Variants in SNX27 observed in about 807,000 individuals in gnomAD.
SNX27 encodes the protein sorting nexin-27.
SNX27 carries 22 observed loss-of-function variants against 71.6 expected under a neutral mutation model. That is an observed-to-expected ratio of 0.31 (90% CI 0.22 to 0.44). The LOEUF (loss-of-function observed/expected upper bound fraction) is 0.44. Among genes scored for constraint, SNX27 ranks in the 20% least tolerant of loss-of-function variants. SNX27 has a pLI of 1.00. For missense variants in SNX27, 531 were observed against 698.6 expected (o/e 0.76, Z 2.70); for synonymous variants, 269 against 277.2 (o/e 0.97, Z 0.29).
intron 2 of SNX27, among the ~76,000 whole-genome samples, chr1:151,654,267 A>G (rs1305714835): frequency 6.6e-6 from 1 of 152,200 alleles, no homozygotes; most frequent in Non-Finnish European, 1.5e-5. Flanking sequence ...TACTTGGGCT[A>G]GACTCATGGT....
rs1309993773 is a variant in SNX27, at chr1:151,694,476, A to G, written c.*59A>G. 8 of 1,481,524 alleles carry G rather than the reference A, an allele frequency of 5.4e-6. No homozygotes were observed. Among genetic ancestry groups the G allele is most frequent in the Admixed American group, 2.2e-5 (1 of 46,070 alleles). The allele number at this position is 1,481,524 out of a possible 1,614,324, so 91.8% of individuals were successfully genotyped here. The stretch of plus-strand genomic sequence containing the variant: ...CATCCTCTTACTCCTTTCATGTCCC[A>G]TTTCAGACAGAGTAACCATTAACAA... On this transcript the variant is annotated 3_prime_UTR_variant, in exon 12 of 12. Coordinates refer to ENST00000458013, the MANE Select transcript of SNX27 (RefSeq NM_001330723.2).
intron 6 of SNX27, among the ~76,000 whole-genome samples, chr1:151,667,865 C>T (rs966891196): frequency 1.4e-5 from 2 of 147,186 alleles, no homozygotes; most frequent in Non-Finnish European, 3.0e-5. Context: ...GTTTAGTGGA[C>T]ATGAGCTGTA....
chr1:151,642,386 A>G (rs1006273209), intron 2 of SNX27, among the ~76,000 whole-genome samples: 1 of 151,996 alleles, frequency 6.6e-6, no homozygotes, highest in African/African-American at 2.4e-5. Flanking sequence ...AAAAGAAAAA[A>G]AAAAAGGGAC....
intron 1 of SNX27, chr1:151,629,497 G>GTATATATATATACATATATACACGTA (rs368335035): frequency 6.7e-6 from 1 of 148,552 alleles, no homozygotes; most frequent in African/African-American, 2.5e-5. Context: ...ACATGTATGC[G>GTATATATATATACATATATACACGTA]TATATATATA....
chr1:151,675,129 CCTA>C (rs1334414664), intron 7 of SNX27, among the ~76,000 whole-genome samples: 1 of 152,066 alleles, frequency 6.6e-6, no homozygotes, highest in Non-Finnish European at 1.5e-5. Context: ...CTCTACTTTT[CCTA>C]CTACTAGGTA....
intron 1 of SNX27, chr1:151,615,897 G>T (rs1208309353): frequency 1.2e-6 from 1 of 815,140 alleles, no homozygotes; most frequent in African/African-American, 1.9e-5. Flanking sequence ...TTTAAAGTCG[G>T]CTTACCAAGG....
intron 2 of SNX27, among the ~76,000 whole-genome samples, chr1:151,654,723 T>C (rs1469303984): frequency 6.6e-6 from 1 of 152,142 alleles, no homozygotes; most frequent in Non-Finnish European, 1.5e-5. Flanking sequence ...TGTTGTGTTA[T>C]AACATGAAGG....
Position 151,694,447 on chromosome 1 carries a change from C to T in SNX27, c.*30C>T, listed in dbSNP as rs1218374075. ...TCCTTATCCCCTTCCCTTCCCTTCA[C>T]CCCCATCCTCTTACTCCTTTCATGT... is the stretch of plus-strand genomic sequence containing the variant. On this transcript the variant is annotated 3_prime_UTR_variant, in exon 12 of 12. Transcript: ENST00000458013. 5.2e-6 allele frequency: 8 copies of T among 1,543,290 alleles called. No individual in the cohort carries two copies. The Admixed American group carries it at 1.2e-4, about 23-fold the overall frequency.
chr1:151,612,474 T>G lies in SNX27; in HGVS notation c.273T>G (p.Asp91Glu). 1 of 1,418,050 alleles carries G rather than the reference T, an allele frequency of 7.1e-7. No individual in the cohort carries two copies. Among genetic ancestry groups the G allele is most frequent in the Non-Finnish European group, 9.2e-7 (1 of 1,088,402 alleles). The allele number at this position is 1,418,050 out of a possible 1,614,324, so 87.8% of individuals were successfully genotyped here. Residue 91 changes from aspartate (D) to glutamate (E), a missense_variant, in exon 1 of 12, where the codon GAT becomes GAG. Around this residue, in one of 5 missense-constraint regions of SNX27, gnomAD observed 130 missense variants for 143.5 expected, o/e 0.91. Coordinates refer to ENST00000458013, the MANE Select transcript of SNX27 (RefSeq NM_001330723.2). This position sits in a 1 kb window ranked among gnomAD's most constrained non-coding sequence, Gnocchi z 5.2. ...CCGTGCTGCCCGGGGGGGCGGCCGA[T>G]CGGGCCGGGGTGCGCAAGGGGGACC... ...VSAVLPGGAA[D>E]RAGVRKGDRI...
intron 2 of SNX27, among the ~76,000 whole-genome samples, chr1:151,653,768 G>A (rs181151535): frequency 8.3e-4 from 125 of 151,492 alleles, no homozygotes; most frequent in African/African-American, 2.9e-3. Context: ...TGATCCTCCT[G>A]CCTTGGCCTC....
chr1:151,612,537 C>G lies in SNX27; in HGVS notation c.311+25C>G, dbSNP rs770599145. The G allele has an allele frequency of 3.1e-5, 41 of 1,326,098 alleles. No individual in the cohort carries two copies. The highest frequency in any genetic ancestry group is 3.9e-5 in the Non-Finnish European group (40 of 1,036,378). The allele number at this position is 1,326,098 out of a possible 1,614,324, so 82.1% of individuals were successfully genotyped here. A position where few individuals can be genotyped will look rare whatever the true frequency, so the allele number is the denominator to read the frequency against. On this transcript the variant is annotated intron_variant, in intron 1 of 11. Transcript: ENST00000458013. This position sits in a 1 kb window ranked among gnomAD's most constrained non-coding sequence, Gnocchi z 5.2. ...TGTGAGTATCGGGGCTACCCGCCGC[C>G]CCATCCTCCCCGCGCCCCTCCTGCC...
chr1:151,682,481 C>T (rs939146213), intron 7 of SNX27, among the ~76,000 whole-genome samples: 4 of 151,954 alleles, frequency 2.6e-5, no homozygotes, highest in African/African-American at 9.7e-5. Context: ...GCCACCATGC[C>T]CAGCTAATTT....
chr1:151,693,364 G>T, intron 10 of SNX27, 60 bp from the exon 11 acceptor site: 2 of 1,516,526 alleles, frequency 1.3e-6, no homozygotes, highest in Non-Finnish European at 1.8e-6. Flanking sequence ...GAGTTCAAAG[G>T]CACAGTCCTG....
intron 2 of SNX27, among the ~76,000 whole-genome samples, chr1:151,641,606 T>TG (rs1360307300): frequency 1.3e-5 from 1 of 78,778 alleles, no homozygotes; most frequent in African/African-American, 4.6e-5. Context: ...CAGATATATA[T>TG]ATATATATAT....
At chr1:151,687,724 C>G (rs1275949020) in intron 8 of SNX27, among the ~76,000 whole-genome samples, 2 of 151,760 alleles carry the variant, frequency 1.3e-5, no homozygotes, top group Non-Finnish European at 2.9e-5. Flanking sequence ...CGAGGCGGGC[C>G]GATCATGAGG....
At chr1:151,658,158 C>A in intron 2 of SNX27, 77 bp from the exon 3 acceptor site, 1 of 1,373,596 alleles carries the variant, frequency 7.3e-7, no homozygotes, top group Non-Finnish European at 1.0e-6. Context: ...TAACCAATAT[C>A]ATCTAAGCCT....
chr1:151,639,540 A>G (rs750565085), intron 2 of SNX27, among the ~76,000 whole-genome samples: 13 of 152,164 alleles, frequency 8.5e-5, no homozygotes, highest in Non-Finnish European at 1.9e-4. Flanking sequence ...TGGGTAATAG[A>G]GAGGTTCACC....
In SNX27 at chr1:151,612,243, T is replaced by A; in HGVS notation, c.42T>A (p.Pro14=). 7.0e-7 allele frequency: 1 copy of A among 1,432,212 alleles called. No individual in the cohort carries two copies. The highest frequency in any genetic ancestry group is 9.1e-7 in the Non-Finnish European group (1 of 1,095,414). The allele number at this position is 1,432,212 out of a possible 1,614,324, so 88.7% of individuals were successfully genotyped here. A position where few individuals can be genotyped will look rare whatever the true frequency, so the allele number is the denominator to read the frequency against. Residue 14 remains proline, a synonymous_variant, in exon 1 of 12, where the codon CCT becomes CCA. Transcript: ENST00000458013. The surrounding 1 kb of genome is among the most constrained non-coding windows in gnomAD (Gnocchi z 5.2). ...EDGEGIHPSA[P]HRNGGGGGGG... ...GGGAAGGGATTCATCCCTCAGCCCC[T>A]CACAGGAACGGAGGTGGCGGCGGCG...
At chr1:151,670,296 T>C (rs1670405335) in intron 7 of SNX27, among the ~76,000 whole-genome samples, 1 of 152,256 alleles carries the variant, frequency 6.6e-6, no homozygotes, top group African/African-American at 2.4e-5. Context: ...CATTCATCCG[T>C]TGATGGATGC....
Sources: allele counts gnomAD v4.1 joint callset (sites outside exome capture counted in the v4.1 genomes callset), GRCh38; gene constraint gnomAD v4.1.1; regional missense constraint gnomAD v4.1.1; non-coding constraint Gnocchi (gnomAD v3.1); transcripts MANE v1.5; gene names NCBI Gene and HGNC (gene_info 2026-07-23, HGNC 2026-07-21).